The following OR7D2 variants were observed in gnomAD, a reference collection of about 807,000 sequenced individuals.
OR7D2 encodes olfactory receptor 7D2.
For missense variants in OR7D2, 370 were observed against 384.1 expected, an observed-to-expected ratio of 0.96 and a Z score of 0.31; for synonymous variants, 158 against 158.7, an observed-to-expected ratio of 1.00 and a Z score of 0.03.
At position 9,186,740 on chromosome 19, in the gene OR7D2, A is replaced by T. The variant is rs1321843945; in HGVS notation, c.*20A>T. The T allele has an allele frequency of 2.6e-6, 4 of 1,527,390 alleles. No individual in the cohort carries two copies. Among genetic ancestry groups the T allele is most frequent in the Non-Finnish European group, 3.5e-6 (4 of 1,132,782 alleles). 94.6% of individuals were successfully genotyped at this position (1,527,390 alleles called of 1,614,324 possible). A position where few individuals can be genotyped will look rare whatever the true frequency, so the allele number is the denominator to read the frequency against. ...TTGTGATGGATCCCTTGGCCCCAGGACTAAGAAGTTTTGTGAGCACCAATG... is the reference window on the plus strand; with the variant it reads ...TTGTGATGGATCCCTTGGCCCCAGGTCTAAGAAGTTTTGTGAGCACCAATG... On this transcript the variant is annotated 3_prime_UTR_variant, in exon 3 of 3. Coordinates refer to ENST00000641288, the MANE Select transcript of OR7D2 (RefSeq NM_175883.4).
At chr19:9,180,937 C>T (rs2050985239) in intron 2 of OR7D2, 149 bp downstream of exon 2, 1 of 151,984 alleles carries the variant, frequency 6.6e-6, no homozygotes, top group Admixed American at 6.6e-5. Flanking sequence ...CTAGCCTGGC[C>T]AACATAGTGA....
At chr19:9,181,972 T>C (rs1387947526) in intron 2 of OR7D2, among the ~76,000 whole-genome samples, 2 of 152,216 alleles carry the variant, frequency 1.3e-5, no homozygotes, top group East Asian at 1.9e-4. Flanking sequence ...AGGGGTGCTA[T>C]AAAATCAGTG....
At chr19:9,183,329 C>A (rs2051004831) in intron 2 of OR7D2, among the ~76,000 whole-genome samples, 1 of 152,160 alleles carries the variant, frequency 6.6e-6, no homozygotes, top group South Asian at 2.1e-4. Flanking sequence ...GGCTCAAGTT[C>A]AGTGTCACAA....
Position 9,186,930 on chromosome 19 carries a change from C to T in OR7D2, c.*210C>T, listed in dbSNP as rs10423277. On this transcript the variant is annotated 3_prime_UTR_variant, in exon 3 of 3. Coordinates refer to ENST00000641288, the MANE Select transcript of OR7D2 (RefSeq NM_175883.4). ...TAGTGAACATAAGGCACTTTTTTTT[C>T]TTTTTTGAGACGGAGTCTCACTCTG... 0.31 allele frequency: 114,149 copies of T among 367,458 alleles called. 17,486 individuals carry two copies. The highest frequency in any genetic ancestry group is 0.67 in the African/African-American group (26,753 of 39,732). 22.8% of individuals were successfully genotyped at this position (367,458 alleles called of 1,614,324 possible). A position where few individuals can be genotyped will look rare whatever the true frequency, so the allele number is the denominator to read the frequency against.
intron 2 of OR7D2, among the ~76,000 whole-genome samples, chr19:9,184,082 G>A (rs2051012212): frequency 7.0e-6 from 1 of 141,910 alleles, no homozygotes; most frequent in South Asian, 2.2e-4. Flanking sequence ...ATGGGAAATA[G>A]TGTGAGGGTT....
Position 9,185,827 on chromosome 19 carries a change from G to C in OR7D2, c.46G>C (p.Gly16Arg). The C allele has an allele frequency of 3.1e-6, 5 of 1,605,746 alleles. No individual in the cohort carries two copies. The South Asian group carries it at 5.6e-5, about 18-fold the overall frequency. The change falls in exon 3 of 3, where the codon GGA becomes CGA. Residue 16 changes from glycine (G) to arginine (R), a missense_variant. By Grantham distance (125) the Gly-to-Arg change is moderately radical. Transcript: ENST00000641288. ...AGGATTTTTAGAGTTTATCCTTCTC[G>C]GACTCTCTGAGGATCCAGAACTACA... ...QTGFLEFILL[G>R]LSEDPELQPF...
intron 2 of OR7D2, among the ~76,000 whole-genome samples, chr19:9,181,583 T>A (rs2050990062): frequency 6.6e-6 from 1 of 151,774 alleles, no homozygotes; most frequent in Non-Finnish European, 1.5e-5. Flanking sequence ...GCCTCCCAAG[T>A]AGCTGGGACA....
chr19:9,180,302 G>C (rs1030071900), intron 1 of OR7D2, among the ~76,000 whole-genome samples: 2 of 151,934 alleles, frequency 1.3e-5, no homozygotes, highest in African/African-American at 4.8e-5. Flanking sequence ...GTAGAGGCAA[G>C]TGTCTCATTT....
intron 2 of OR7D2, chr19:9,182,862 T>C (rs965585493): frequency 6.5e-6 from 2 of 305,886 alleles, no homozygotes; most frequent in African/African-American, 2.2e-5. Context: ...GGGATCTCTC[T>C]AAAATGGACC....
intron 2 of OR7D2, among the ~76,000 whole-genome samples, chr19:9,184,928 T>C (rs1444218127): frequency 6.6e-6 from 1 of 152,120 alleles, no homozygotes; most frequent in Non-Finnish European, 1.5e-5. Context: ...ATAAGTCAGA[T>C]GCAGAAAGAA....
In OR7D2 at chr19:9,180,759, T is replaced by G. The variant is rs1023881990; in HGVS notation, c.-43T>G. On this transcript the variant is annotated 5_prime_UTR_variant, in exon 2 of 3. It removes the in-frame stop codon of an upstream open reading frame in the 5' UTR. Transcript: ENST00000641288. The stretch of plus-strand genomic sequence containing the variant: ...GGATAAAGTAAAATTTTCTAGAATG[T>G]GATCTGGACTTGCCACAAAGAAACT... The G allele has an allele frequency of 2.6e-5, 4 of 152,040 alleles. No individual in the cohort carries two copies. The highest frequency in any genetic ancestry group is 7.2e-5 in the African/African-American group (3 of 41,400). 9.4% of individuals were successfully genotyped at this position (152,040 alleles called of 1,614,324 possible). A position where few individuals can be genotyped will look rare whatever the true frequency, so the allele number is the denominator to read the frequency against.
intron 2 of OR7D2, among the ~76,000 whole-genome samples, chr19:9,183,349 A>G (rs1180246721): frequency 6.6e-6 from 1 of 152,070 alleles, no homozygotes; most frequent in Non-Finnish European, 1.5e-5. Flanking sequence ...ATCTCAGCTC[A>G]CTGCATCCTC....
chr19:9,183,825 C>T (rs1205201013), intron 2 of OR7D2, among the ~76,000 whole-genome samples: 2 of 148,722 alleles, frequency 1.3e-5, no homozygotes, highest in African/African-American at 2.5e-5. Context: ...GGCGAGGTGG[C>T]GGGCGCCTGT....
intron 2 of OR7D2, among the ~76,000 whole-genome samples, chr19:9,181,444 CTTTTTTTTTTTTT>C (rs911771352): frequency 2.6e-5 from 2 of 77,946 alleles, no homozygotes; most frequent in African/African-American, 5.6e-5. Context: ...ATTTCCTAGA[CTTTTTTTTTTTTT>C]TTTTTTTTTT....
Position 9,186,707 on chromosome 19 carries a change from C to A in OR7D2, c.926C>A (p.Ala309Asp). Residue 309 changes from alanine to aspartate, a missense_variant, in exon 3 of 3, where the codon GCC becomes GAC. Transcript: ENST00000641288. ...GALGSLLSRA[A>D]SCL is the part of the protein sequence containing the mutation. ...CTGGGGAGTCTCCTCAGCAGGGCAG[C>A]CTCTTGTTTGTGATGGATCCCTTGG... is the stretch of plus-strand genomic sequence containing the variant. 1.3e-6 allele frequency: 2 copies of A among 1,598,558 alleles called. No individual in the cohort carries two copies. Among genetic ancestry groups the A allele is most frequent in the Non-Finnish European group, 1.7e-6 (2 of 1,174,780 alleles).
At chr19:9,182,529 T>C in intron 2 of OR7D2, 1 of 177,982 alleles carries the variant, frequency 5.6e-6, no homozygotes, top group Non-Finnish European at 1.2e-5. Context: ...TTATTATTAT[T>C]ATTTTTGAGA....
chr19:9,182,994 C>G, intron 2 of OR7D2: 1 of 458,396 alleles, frequency 2.2e-6, no homozygotes, highest in Non-Finnish European at 4.4e-6. Context: ...ATCAATTTGA[C>G]ATACACGGCA....
Position 9,186,744 on chromosome 19 carries a change from A to G in OR7D2, c.*24A>G. On this transcript the variant is annotated 3_prime_UTR_variant, in exon 3 of 3. Transcript: ENST00000641288. ...GATGGATCCCTTGGCCCCAGGACTA[A>G]GAAGTTTTGTGAGCACCAATGGCAA... 6.6e-7 allele frequency: 1 copy of G among 1,514,746 alleles called. No individual in the cohort carries two copies. The highest frequency in any genetic ancestry group is 8.9e-7 in the Non-Finnish European group (1 of 1,123,048). 93.8% of individuals were successfully genotyped at this position (1,514,746 alleles called of 1,614,324 possible).
At chr19:9,185,689 T>C in intron 2 of OR7D2, 80 bp from the exon 3 acceptor site, 1 of 830,670 alleles carries the variant, frequency 1.2e-6, no homozygotes, top group Non-Finnish European at 1.9e-6. Flanking sequence ...GCTCAAGTGA[T>C]CCTTCCATCT....
Sources: gnomAD v4.1 joint callset for allele counts (sites outside exome capture counted in the v4.1 genomes callset) on GRCh38, gnomAD v4.1.1 for gene constraint, MANE v1.5 for transcripts, NCBI Gene and HGNC (gene_info 2026-07-23, HGNC 2026-07-21) for gene names.